TBC1D2B: variants seen among roughly 807,000 people sequenced by gnomAD.
TBC1D2B encodes TBC1 domain family member 2B.
In TBC1D2B, 64 loss-of-function variants were observed where a neutral mutation model predicts 100.8. That is an observed-to-expected ratio of 0.64 (90% CI 0.52 to 0.78). The LOEUF (loss-of-function observed/expected upper bound fraction) is 0.78, where lower values mean the gene tolerates loss of function less well. Among genes scored for constraint, TBC1D2B ranks in the 30% least tolerant of loss-of-function variants. TBC1D2B has a pLI of 0.00. For synonymous variants in TBC1D2B, 480 were observed against 479.7 expected, an observed-to-expected ratio of 1.00 and a Z score of -0.01; for missense variants, 1,052 against 1,218.4, an observed-to-expected ratio of 0.86 and a Z score of 2.03.
At chr15:78,021,003 G>A (rs552488069) in intron 6 of TBC1D2B, among the ~76,000 whole-genome samples, 5 of 152,290 alleles carry the variant, frequency 3.3e-5, no homozygotes, top group Admixed American at 1.3e-4. Flanking sequence ...GGAACAATCC[G>A]AAAGTCCATA....
chr15:78,071,368 C>A (rs572707207), intron 1 of TBC1D2B, among the ~76,000 whole-genome samples: 2 of 152,296 alleles, frequency 1.3e-5, no homozygotes, highest in African/African-American at 4.8e-5. Flanking sequence ...AGTTAAAACA[C>A]AGCTATACTC....
In TBC1D2B at chr15:78,030,019, C is replaced by T; in HGVS notation, c.835G>A (p.Glu279Lys). The change falls in exon 4 of 13, where the codon GAA becomes AAA. Residue 279 changes from glutamate (E) to lysine (K), a missense_variant. By Grantham distance (56) the Glu-to-Lys change is moderately conservative. Around this residue, in one of 4 missense-constraint regions of TBC1D2B, gnomAD observed 627 missense variants for 646.1 expected, o/e 0.97. Coordinates refer to ENST00000300584, the MANE Select transcript of TBC1D2B (RefSeq NM_144572.2). ...VQEEKKKLTP[E>K]GNKGVTGSGF... ...AGTACATTGATACCTTTGTTTCCTT[C>T]AGGGGTCAGCTTCTTCTTTTCTTCC... The T allele has an allele frequency of 6.2e-7, 1 of 1,606,564 alleles. No individual in the cohort carries two copies. The highest frequency in any genetic ancestry group is 8.5e-7 in the Non-Finnish European group (1 of 1,177,644).
At chr15:78,021,066 A>G (rs1481674181) in intron 6 of TBC1D2B, among the ~76,000 whole-genome samples, 1 of 152,244 alleles carries the variant, frequency 6.6e-6, no homozygotes, top group African/African-American at 2.4e-5. Flanking sequence ...GGAAGGAAAC[A>G]TGGAGAAATA....
At chr15:78,016,417 G>T in intron 8 of TBC1D2B, 129 bp downstream of exon 8, 1 of 831,758 alleles carries the variant, frequency 1.2e-6, no homozygotes, top group Non-Finnish European at 1.9e-6. Context: ...CTGCTGACCT[G>T]ACAGCATTTG....
intron 1 of TBC1D2B, among the ~76,000 whole-genome samples, chr15:78,067,933 T>C (rs946989158): frequency 6.6e-6 from 1 of 152,254 alleles, no homozygotes; most frequent in African/African-American, 2.4e-5. Context: ...GGGAGCTTTC[T>C]TGATAATCAG....
chr15:78,016,163 G>GGT (rs959672193), intron 8 of TBC1D2B, among the ~76,000 whole-genome samples: 65 of 151,972 alleles, frequency 4.3e-4, no homozygotes, highest in Non-Finnish European at 4.9e-4. Flanking sequence ...ATATATGGGG[G>GGT]GTGTGTGTGT....
intron 12 of TBC1D2B, among the ~76,000 whole-genome samples, chr15:78,001,132 C>G (rs969473041): frequency 2.0e-5 from 3 of 152,236 alleles, no homozygotes; most frequent in African/African-American, 7.2e-5. Context: ...CAGCTCTGCG[C>G]CACCACTCCT....
intron 10 of TBC1D2B, among the ~76,000 whole-genome samples, chr15:78,008,441 A>G (rs1228084873): frequency 6.6e-6 from 1 of 152,192 alleles, no homozygotes. Flanking sequence ...TGCCTTGGTC[A>G]CTGCCCTTGG....
rs1237951381 is a variant in TBC1D2B at position 77,998,111 on chromosome 15, T to C, written c.*49A>G. 32 of 1,457,408 alleles carry C rather than the reference T, an allele frequency of 2.2e-5. No homozygotes were observed. The highest frequency in any genetic ancestry group is 2.8e-5 in the Non-Finnish European group (31 of 1,097,148). 90.3% of individuals were successfully genotyped at this position (1,457,408 alleles called of 1,614,324 possible). ...GGCTTTTAAGTGCACTTTCACCCTT[T>C]GGGCACACTTTGGTTGTGAAGGAAG... On this transcript the variant is annotated 3_prime_UTR_variant, in exon 13 of 13. Coordinates refer to ENST00000300584, the MANE Select transcript of TBC1D2B (RefSeq NM_144572.2).
intron 9 of TBC1D2B, 55 bp downstream of exon 9, chr15:78,012,768 C>T (rs2072263517): frequency 2.9e-6 from 4 of 1,396,556 alleles, no homozygotes; most frequent in Middle Eastern, 2.0e-4. Flanking sequence ...CAGGCAGCAC[C>T]GGTGCCTACA....
chr15:78,050,469 G>A (rs769086750), intron 2 of TBC1D2B, among the ~76,000 whole-genome samples: 1 of 152,160 alleles, frequency 6.6e-6, no homozygotes, highest in Non-Finnish European at 1.5e-5. Context: ...TAGTTTATGT[G>A]GGGAATGAAG....
intron 8 of TBC1D2B, among the ~76,000 whole-genome samples, chr15:78,016,158 T>TGG (rs552912401): frequency 3.9e-5 from 6 of 152,064 alleles, no homozygotes; most frequent in African/African-American, 1.4e-4. Context: ...CAAAAATATA[T>TGG]GGGGGGTGTG....
intron 7 of TBC1D2B, among the ~76,000 whole-genome samples, chr15:78,017,487 TTTG>T (rs1174094477): frequency 4.6e-5 from 7 of 152,226 alleles, no homozygotes; most frequent in Non-Finnish European, 4.4e-5. Flanking sequence ...ATGTACTTAC[TTTG>T]TTTTCTTCAA....
intron 10 of TBC1D2B, among the ~76,000 whole-genome samples, chr15:78,004,315 G>T (rs912060085): frequency 6.6e-6 from 1 of 152,184 alleles, no homozygotes; most frequent in Admixed American, 6.5e-5. Flanking sequence ...CCCTGGTAAC[G>T]ATGTGTTCAT....
intron 3 of TBC1D2B, among the ~76,000 whole-genome samples, chr15:78,031,849 A>G (rs1362691463): frequency 2.0e-5 from 3 of 152,204 alleles, no homozygotes; most frequent in Non-Finnish European, 2.9e-5. Flanking sequence ...ATTGGCCATC[A>G]GGCAGCACAG....
chr15:78,014,117 C>A lies in TBC1D2B; in HGVS notation c.1776-800G>T, dbSNP rs145944006. Among the ~76,000 whole-genome samples, 505 of 152,306 alleles carry A rather than the reference C, an allele frequency of 3.3e-3. 5 individuals carry two copies. Among genetic ancestry groups the A allele is most frequent in the African/African-American group, 0.011 (475 of 41,558 alleles). ...AATAGCGACCTAGTCCTACGAATGACTGCAAGGAACTATATTCCACCAACA... is the reference window on the plus strand; with the variant it reads ...AATAGCGACCTAGTCCTACGAATGAATGCAAGGAACTATATTCCACCAACA... On this transcript the variant is annotated intron_variant, in intron 8 of 12. Transcript: ENST00000300584.
At chr15:78,019,579 C>CTT (rs201969250) in intron 6 of TBC1D2B, among the ~76,000 whole-genome samples, 5 of 144,806 alleles carry the variant, frequency 3.5e-5, no homozygotes, top group East Asian at 2.0e-4. Flanking sequence ...GTCTTAAAAG[C>CTT]TTTTTTTTTT....
intron 2 of TBC1D2B, among the ~76,000 whole-genome samples, chr15:78,048,659 G>GTT (rs758479756): frequency 4.4e-4 from 67 of 152,326 alleles, no homozygotes; most frequent in Middle Eastern, 3.4e-3. Flanking sequence ...TCTAAATCCA[G>GTT]TGTGAACCCG....
intron 1 of TBC1D2B, among the ~76,000 whole-genome samples, chr15:78,059,494 G>GATT (rs1186848960): frequency 6.6e-6 from 1 of 152,302 alleles, no homozygotes; most frequent in East Asian, 1.9e-4. Flanking sequence ...GGCAGACAAG[G>GATT]ATTGGGTGGG....
Sources: allele counts gnomAD v4.1 joint callset (sites outside exome capture counted in the v4.1 genomes callset), GRCh38; gene constraint gnomAD v4.1.1; regional missense constraint gnomAD v4.1.1; transcripts MANE v1.5; gene names NCBI Gene and HGNC (gene_info 2026-07-23, HGNC 2026-07-21).